YY1AP1: variants seen among roughly 807,000 people sequenced by gnomAD.
YY1AP1 encodes the protein YY1-associated protein 1.
A neutral mutation model predicts 39.9 loss-of-function variants in YY1AP1; 43 were observed. That is an observed-to-expected ratio of 1.08 (90% CI 0.84 to 1.39). The LOEUF (loss-of-function observed/expected upper bound fraction) is 1.39. Among genes scored for constraint, YY1AP1 ranks in the 40% most tolerant of loss-of-function variants. The pLI is 0.00. For missense variants in YY1AP1, 813 were observed against 900.7 expected, an observed-to-expected ratio of 0.90 and a Z score of 1.25; for synonymous variants, 292 against 331.3, an observed-to-expected ratio of 0.88 and a Z score of 1.29.
rs572279264 is a variant in YY1AP1, at chr1:155,666,965, AC to A, written c.879+1661del. ...CAGTGAGCTAAAATTGTGCCACTGC[AC>A]TCCAGCCTGGGTGACAGAGACAGAT... On this transcript the variant is annotated intron_variant, in intron 9 of 10. Transcript: ENST00000355499. Among the ~76,000 whole-genome samples the A allele has an allele frequency of 1.7e-3, 252 of 152,268 alleles. 1 individual carries two copies. Among genetic ancestry groups the A allele is most frequent in the African/African-American group, 5.8e-3 (241 of 41,540 alleles).
intron 2 of YY1AP1, among the ~76,000 whole-genome samples, chr1:155,682,117 AT>A (rs956201730): frequency 4.0e-5 from 6 of 151,768 alleles, no homozygotes; most frequent in African/African-American, 7.3e-5. Context: ...AGGCAGCTTG[AT>A]TTTTTTTTAT....
At chr1:155,677,288 T>C (rs895842688) in intron 4 of YY1AP1, among the ~76,000 whole-genome samples, 10 of 152,196 alleles carry the variant, frequency 6.6e-5, no homozygotes, top group African/African-American at 2.2e-4. Context: ...AGTTAAAATA[T>C]TATCCATGAA....
At chr1:155,679,862 A>C in intron 3 of YY1AP1, 1 of 1,036,598 alleles carries the variant, frequency 9.6e-7, no homozygotes, top group South Asian at 1.9e-5. Context: ...ATCTTTAAGG[A>C]CACACCAAAT....
Position 155,660,149 on chromosome 1 carries a change from AG to A in YY1AP1, c.1760del (p.Thr587IlefsTer18). 1 of 1,614,202 alleles carries A rather than the reference AG, an allele frequency of 6.2e-7. No homozygotes were observed. The highest frequency in any genetic ancestry group is 8.5e-7 in the Non-Finnish European group (1 of 1,180,038). The part of the protein sequence containing the change: ...VNAAVAQSPQ[T>X]IPIATLLVNP... ...TAACCAAGAGGGTGGCGATGGGAAT[AG>A]TCTGGGGACTCTGGGCCACAGCCGC... On this transcript the variant is annotated frameshift_variant, in exon 11 of 11. Transcript: ENST00000355499. LOFTEE classifies it low-confidence loss of function (END_TRUNC).
At chr1:155,677,593 C>G (rs1650897497) in intron 4 of YY1AP1, among the ~76,000 whole-genome samples, 1 of 152,134 alleles carries the variant, frequency 6.6e-6, no homozygotes, top group African/African-American at 2.4e-5. Flanking sequence ...TATATTACAG[C>G]AATAGTTAAA....
At chr1:155,661,903 G>T (rs894991293) in intron 9 of YY1AP1, among the ~76,000 whole-genome samples, 1 of 152,042 alleles carries the variant, frequency 6.6e-6, no homozygotes, top group African/African-American at 2.4e-5. Flanking sequence ...TGATCCACCC[G>T]CCTCGGCCTC....
In YY1AP1 at chr1:155,688,670, C is replaced by G; in HGVS notation, c.-163G>C. 6.5e-7 allele frequency: 1 copy of G among 1,532,770 alleles called. No homozygotes were observed. The highest frequency in any genetic ancestry group is 1.2e-5 in the South Asian group (1 of 83,202). 94.9% of individuals were successfully genotyped at this position (1,532,770 alleles called of 1,614,324 possible). A position where few individuals can be genotyped will look rare whatever the true frequency, so the allele number is the denominator to read the frequency against. ...GCCCTCACGCGTACCTTCAGCGGCG[C>G]GAGCCCAAGCCTTCTCCACCTCCTC... On this transcript the variant is annotated 5_prime_UTR_variant, in exon 1 of 11. Transcript: ENST00000355499.
chr1:155,679,106 G>A, intron 4 of YY1AP1: 1 of 1,293,714 alleles, frequency 7.7e-7, no homozygotes, highest in African/African-American at 1.5e-5. Flanking sequence ...ATATAGGGTA[G>A]TTTGTGTGGC....
chr1:155,660,467 T>C lies in YY1AP1; in HGVS notation c.1443A>G (p.Ala481=), dbSNP rs1217607631. Reference sequence around the variant, plus strand: ...CCTCAGGGGGCATAGCAGGCAGTGCTGCAGGAGACTCAAAACTCTCACCTC... The same window carrying C: ...CCTCAGGGGGCATAGCAGGCAGTGCCGCAGGAGACTCAAAACTCTCACCTC... The part of the protein sequence containing the change: ...VSGGESFESP[A]ALPAMPPEAR... Residue 481 remains alanine (A), a synonymous_variant, in exon 11 of 11, where the codon GCA becomes GCG. Transcript: ENST00000355499. 1.2e-6 allele frequency: 2 copies of C among 1,614,144 alleles called. No individual in the cohort carries two copies. The highest frequency in any genetic ancestry group is 1.7e-6 in the Non-Finnish European group (2 of 1,180,020).
chr1:155,667,432 A>C (rs994867503), intron 9 of YY1AP1, among the ~76,000 whole-genome samples: 1 of 151,856 alleles, frequency 6.6e-6, no homozygotes, highest in African/African-American at 2.4e-5. Flanking sequence ...CAGGAATTTG[A>C]GGTTGCAGTG....
rs990640267 is a variant in YY1AP1, at chr1:155,668,774, C to G, written c.732G>C (p.Leu244Phe). ...KILFTKAEDN[L>F]LALGLKHFEG... Reference sequence around the variant, plus strand: ...CAAAATGCTTCAGTCCTAAAGCTAACAAACTGAGAAAGGAGCAATAACACT... The same window carrying G: ...CAAAATGCTTCAGTCCTAAAGCTAAGAAACTGAGAAAGGAGCAATAACACT... The change falls in exon 9 of 11, where the codon TTG becomes TTC. Residue 244 changes from leucine to phenylalanine, a missense_variant. By Grantham distance (22) the Leu-to-Phe change is conservative (BLOSUM62 0). Coordinates refer to ENST00000355499, the MANE Select transcript of YY1AP1 (RefSeq NM_139119.3). 1 of 1,614,044 alleles carries G rather than the reference C, an allele frequency of 6.2e-7. No homozygotes were observed.
Position 155,687,987 on chromosome 1 carries a change from A to AT in YY1AP1, c.-21+83dup, listed in dbSNP as rs1240339561. On this transcript the variant is annotated intron_variant, in intron 2 of 10. Transcript: ENST00000355499. ...TCTCCCAGAGGTCCAGGTCCGGGAG[A>AT]TGACAGTGGCTCCCAGAAAGCCCAG... The AT allele has an allele frequency of 2.7e-5, 38 of 1,420,312 alleles. No individual in the cohort carries two copies. The East Asian group carries it at 8.8e-4, about 33-fold the overall frequency. 88.0% of individuals were successfully genotyped at this position (1,420,312 alleles called of 1,614,324 possible). A position where few individuals can be genotyped will look rare whatever the true frequency, so the allele number is the denominator to read the frequency against.
In YY1AP1 at chr1:155,660,259, C is replaced by A. The variant is rs755787543; in HGVS notation, c.1651G>T (p.Ala551Ser). The change falls in exon 11 of 11, where the codon GCA becomes TCA. Residue 551 changes from alanine to serine, a missense_variant. Physicochemically the swap from Ala to Ser is moderately conservative, Grantham distance 99. Around this residue, in one of 3 missense-constraint regions of YY1AP1, gnomAD observed 586 missense variants for 647.4 expected, o/e 0.91. Transcript: ENST00000355499. Reference protein sequence around the residue: ...CIKPAPVIHPASVIFTVPATT... With the variant: ...CIKPAPVIHPSSVIFTVPATT... ...GCAGGAACAGTGAAGATAACAGATG[C>A]AGGGTGGATAACAGGGGCAGGTTTG... The A allele has an allele frequency of 3.1e-6, 5 of 1,614,150 alleles. No homozygotes were observed. The South Asian group carries it at 5.5e-5, about 18-fold the overall frequency.
At chr1:155,680,349 C>A in intron 3 of YY1AP1, 67 bp downstream of exon 3, 3 of 1,576,148 alleles carry the variant, frequency 1.9e-6, no homozygotes, top group South Asian at 1.1e-5. Flanking sequence ...TCACAGAGAT[C>A]AAAGGACACA....
chr1:155,669,808 A>AT (rs1219053631), intron 8 of YY1AP1, among the ~76,000 whole-genome samples: 2 of 152,116 alleles, frequency 1.3e-5, no homozygotes, highest in Non-Finnish European at 2.9e-5. Context: ...TGGGAGGATC[A>AT]TTTGAGGTCA....
chr1:155,664,513 T>C (rs1648657850), intron 9 of YY1AP1, among the ~76,000 whole-genome samples: 1 of 151,954 alleles, frequency 6.6e-6, no homozygotes, highest in Non-Finnish European at 1.5e-5. Flanking sequence ...GGTGGGCAGA[T>C]CACTTGAGGT....
At chr1:155,679,161 G>C in intron 4 of YY1AP1, 1 of 1,445,048 alleles carries the variant, frequency 6.9e-7, no homozygotes, top group South Asian at 1.2e-5. Context: ...CACTCACCCG[G>C]AGAAGTGGAT....
chr1:155,669,179 G>A (rs1408726010), intron 8 of YY1AP1, among the ~76,000 whole-genome samples: 2 of 152,126 alleles, frequency 1.3e-5, no homozygotes, highest in Non-Finnish European at 2.9e-5. Context: ...GGCTATAAAC[G>A]TTTGCTACCA....
intron 9 of YY1AP1, among the ~76,000 whole-genome samples, chr1:155,668,144 T>C (rs1649316950): frequency 6.6e-6 from 1 of 151,882 alleles, no homozygotes; most frequent in Admixed American, 6.6e-5. Context: ...CTACTAAAAA[T>C]ACAAAAAATT....
Sources: allele counts gnomAD v4.1 joint callset (sites outside exome capture counted in the v4.1 genomes callset), GRCh38; gene constraint gnomAD v4.1.1; regional missense constraint gnomAD v4.1.1; transcripts MANE v1.5; gene names NCBI Gene and HGNC (gene_info 2026-07-23, HGNC 2026-07-21).